The following SLC25A36 variants were observed in gnomAD, a reference collection of about 807,000 sequenced individuals.
SLC25A36 encodes epididymis secretory sperm binding protein.
A neutral mutation model predicts 35.3 loss-of-function variants in SLC25A36; 24 were observed. The observed-to-expected ratio is 0.68, with a 90% CI of 0.49 to 0.96. SLC25A36 has a LOEUF of 0.96. SLC25A36 is among the 40% of genes least tolerant of loss of function. SLC25A36 has a pLI of 0.00. For missense variants in SLC25A36, 294 were observed against 381.1 expected (o/e 0.77, Z 1.90); for synonymous variants, 141 against 132.2 (o/e 1.07, Z -0.46).
chr3:140,969,181 G>C (rs1232233461), intron 4 of SLC25A36, among the ~76,000 whole-genome samples: 2 of 151,744 alleles, frequency 1.3e-5, no homozygotes, highest in Non-Finnish European at 3.0e-5. Context: ...AGGTTCAAAA[G>C]AAGAGAAAAA....
rs181976523 is a variant in SLC25A36, at chr3:140,974,208, G to T, written c.742+203G>T. 7.2e-5 allele frequency among the ~76,000 whole-genome samples: 11 copies of T among 152,176 alleles called. No individual in the cohort carries two copies. The South Asian group carries it at 2.1e-3, about 29-fold the overall frequency. On this transcript the variant is annotated intron_variant, in intron 6 of 6. Transcript: ENST00000324194. ...TATCAAATAGCATGGTGGTGATTGAGCATGAGCTCTGAAGTCAGTCAAATT... is the reference window on the plus strand; with the variant it reads ...TATCAAATAGCATGGTGGTGATTGATCATGAGCTCTGAAGTCAGTCAAATT...
At chr3:140,950,720 C>T (rs1036578226) in intron 1 of SLC25A36, among the ~76,000 whole-genome samples, 6 of 152,104 alleles carry the variant, frequency 3.9e-5, no homozygotes, top group African/African-American at 1.4e-4. Flanking sequence ...TATTATGTGA[C>T]CTTTTTTCTT....
intron 4 of SLC25A36, chr3:140,968,213 G>A (rs757583113): frequency 1.0e-5 from 10 of 952,748 alleles, no homozygotes; most frequent in South Asian, 9.7e-5. Flanking sequence ...TTGTTAAAGT[G>A]TCTTTGGTTA....
At chr3:140,972,582 G>A (rs550520436) in intron 5 of SLC25A36, among the ~76,000 whole-genome samples, 1 of 151,742 alleles carries the variant, frequency 6.6e-6, no homozygotes, top group South Asian at 2.1e-4. Context: ...GCTGCAGTGA[G>A]CCATGATTGC....
chr3:140,962,202 G>T (rs1017108513), intron 3 of SLC25A36, among the ~76,000 whole-genome samples: 2 of 151,832 alleles, frequency 1.3e-5, no homozygotes. Flanking sequence ...AAATTAGAAT[G>T]TTTCATTTTC....
chr3:140,956,600 G>A lies in SLC25A36; in HGVS notation c.115G>A (p.Val39Met), dbSNP rs1165646292. ...VVKTRLQSSSVTLYISEVQLN... is the reference protein window; with the variant it reads ...VVKTRLQSSSMTLYISEVQLN... ...AAAAACACGACTGCAGTCATCTTCT[G>A]TGACGCTTTATATTTCTGAAGTTCA... Residue 39 changes from valine (V) to methionine (M), a missense_variant, in exon 2 of 7, where the codon GTG becomes ATG. Physicochemically the swap from Val to Met is conservative, Grantham distance 21. This residue lies in a region of SLC25A36 where 185 missense variants were observed against 201.5 expected (regional missense o/e 0.92). Coordinates refer to ENST00000324194, the MANE Select transcript of SLC25A36 (RefSeq NM_001104647.3). 2.5e-6 allele frequency: 4 copies of A among 1,612,146 alleles called. No homozygotes were observed. In the African/African-American group the frequency reaches 5.4e-5, roughly 22 times the overall value.
At chr3:140,974,044 AC>A in intron 6 of SLC25A36, 39 bp downstream of exon 6, 1 of 1,352,030 alleles carries the variant, frequency 7.4e-7, no homozygotes, top group Non-Finnish European at 1.0e-6. Context: ...ATATTTTCCC[AC>A]CCCAGCCAAC....
At chr3:140,961,032 C>A (rs1934613718) in intron 3 of SLC25A36, among the ~76,000 whole-genome samples, 1 of 152,206 alleles carries the variant, frequency 6.6e-6, no homozygotes, top group Non-Finnish European at 1.5e-5. Flanking sequence ...TGATAGAACA[C>A]TGTATAAAGT....
chr3:140,955,640 G>A (rs759609132), intron 1 of SLC25A36, among the ~76,000 whole-genome samples: 34 of 152,188 alleles, frequency 2.2e-4, no homozygotes, highest in Admixed American at 1.5e-3. Context: ...TACCTACATT[G>A]TACAGTTTTC....
intron 4 of SLC25A36, chr3:140,968,567 A>G: frequency 1.1e-6 from 1 of 927,992 alleles, no homozygotes; most frequent in Non-Finnish European, 1.3e-6. Flanking sequence ...AGTAATATGT[A>G]CAGAGAATAA....
intron 1 of SLC25A36, among the ~76,000 whole-genome samples, chr3:140,943,849 G>A (rs779293470): frequency 1.3e-5 from 2 of 152,158 alleles, no homozygotes; most frequent in Non-Finnish European, 2.9e-5. Flanking sequence ...CTTTGGATTA[G>A]GATCATCATT....
At chr3:140,950,890 GTGTGTGTCTCTGTGTGTGTCTGTGTGTC>G (rs1464122510) in intron 1 of SLC25A36, among the ~76,000 whole-genome samples, 1 of 134,600 alleles carries the variant, frequency 7.4e-6, no homozygotes, top group East Asian at 2.4e-4. Context: ...CAGCGTGTGT[GTGTGTGTCTCTGTGTGTGTCTGTGTGTC>G]TGTGTGTGTG....
intron 1 of SLC25A36, among the ~76,000 whole-genome samples, chr3:140,945,142 C>T (rs2107776887): frequency 6.6e-6 from 1 of 152,268 alleles, no homozygotes; most frequent in Admixed American, 6.5e-5. Context: ...TGGTCTACTT[C>T]CTCATAGAAG....
Position 140,968,116 on chromosome 3 carries a change from A to C in SLC25A36, c.386-2811A>C, listed in dbSNP as rs537431870. On this transcript the variant is annotated intron_variant, in intron 4 of 6. Coordinates refer to ENST00000324194, the MANE Select transcript of SLC25A36 (RefSeq NM_001104647.3). ...CCATATATAATGCTAAGTTACGATA[A>C]ATTTTTGTTTTTTTCCATTGGCTTC... The C allele has an allele frequency of 7.1e-6, 7 of 984,802 alleles. No individual in the cohort carries two copies. In the East Asian group the frequency reaches 6.8e-4, roughly 96 times the overall value. The allele number at this position is 984,802 out of a possible 1,614,324, so 61.0% of individuals were successfully genotyped here. A position where few individuals can be genotyped will look rare whatever the true frequency, so the allele number is the denominator to read the frequency against.
rs759521998 is a variant in SLC25A36 at position 140,963,244 on chromosome 3, T to G, written c.385+17T>G. 12 of 1,441,654 alleles carry G rather than the reference T, an allele frequency of 8.3e-6. No individual in the cohort carries two copies. The highest frequency in any genetic ancestry group is 1.5e-5 in the African/African-American group (1 of 67,354). 89.3% of individuals were successfully genotyped at this position (1,441,654 alleles called of 1,614,324 possible). On this transcript the variant is annotated intron_variant, in intron 4 of 6. Transcript: ENST00000324194. The stretch of plus-strand genomic sequence containing the variant: ...CAATGGCAGGTATGAATGTATAATA[T>G]TAAAAAAAAAAAAAACTTTCTGAAA...
At chr3:140,953,935 A>C (rs1934406022) in intron 1 of SLC25A36, among the ~76,000 whole-genome samples, 2 of 152,212 alleles carry the variant, frequency 1.3e-5, no homozygotes, top group South Asian at 2.1e-4. Flanking sequence ...GTGCCACTGC[A>C]CTCCAGCCTT....
intron 2 of SLC25A36, 67 bp downstream of exon 2, chr3:140,956,758 A>T: frequency 6.8e-7 from 1 of 1,465,960 alleles, no homozygotes. Context: ...ATGTTTGTTT[A>T]CTTATATTCT....
chr3:140,948,284 CT>C (rs774391062), intron 1 of SLC25A36, among the ~76,000 whole-genome samples: 2 of 151,974 alleles, frequency 1.3e-5, no homozygotes, highest in African/African-American at 2.4e-5. Context: ...TTGAAAAACT[CT>C]TTAAGTTTGG....
chr3:140,961,276 T>C (rs1247388549), intron 3 of SLC25A36, among the ~76,000 whole-genome samples: 2 of 152,228 alleles, frequency 1.3e-5, no homozygotes, highest in Non-Finnish European at 2.9e-5. Context: ...ATGTATACTT[T>C]ATTGTGCTTT....
Sources: allele counts gnomAD v4.1 joint callset (sites outside exome capture counted in the v4.1 genomes callset), GRCh38; gene constraint gnomAD v4.1.1; regional missense constraint gnomAD v4.1.1; transcripts MANE v1.5; gene names NCBI Gene and HGNC (gene_info 2026-07-23, HGNC 2026-07-21).